The following PNPLA7 variants were observed in gnomAD, a reference collection of about 807,000 sequenced individuals.
The protein encoded by PNPLA7 is patatin-like phospholipase domain-containing protein 7.
In PNPLA7, 153 loss-of-function variants were observed where a neutral mutation model predicts 161.7. The ratio of observed to expected loss-of-function variants is 0.95; its 90% CI spans 0.83 to 1.08. The LOEUF is 1.08. Among genes scored for constraint, PNPLA7 ranks in the 50% least tolerant of loss-of-function variants. The probability of loss-of-function intolerance (pLI) is 0.00; values close to 1 mark genes in which losing one functional copy is unlikely to be tolerated. For missense variants in PNPLA7, 1,739 were observed against 1,856.6 expected (o/e 0.94, Z 1.16); for synonymous variants, 809 against 782.1 (o/e 1.03, Z -0.57).
At chr9:137,466,428 C>T (rs1377626467) in intron 26 of PNPLA7, among the ~76,000 whole-genome samples, 12 of 150,564 alleles carry the variant, frequency 8.0e-5, no homozygotes, top group Admixed American at 5.3e-4. Flanking sequence ...CGGATCAAAC[C>T]GCCTCCCAAC....
At chr9:137,505,845 A>G (rs556067498) in intron 13 of PNPLA7, 85 bp from the exon 14 acceptor site, 10 of 1,561,434 alleles carry the variant, frequency 6.4e-6, no homozygotes, top group Middle Eastern at 3.4e-4. Flanking sequence ...TGAATCGCAC[A>G]GTGCGGAAAG....
At chr9:137,497,860 G>T (rs1241689421) in intron 17 of PNPLA7, among the ~76,000 whole-genome samples, 1 of 152,262 alleles carries the variant, frequency 6.6e-6, no homozygotes, top group East Asian at 1.9e-4. Context: ...GTGTGGACTT[G>T]AATATAATGA....
chr9:137,523,845 G>T lies in PNPLA7; in HGVS notation c.748-988C>A, dbSNP rs1041039139. Among the ~76,000 whole-genome samples the T allele has an allele frequency of 5.9e-5, 9 of 151,918 alleles. No individual in the cohort carries two copies. Among genetic ancestry groups the T allele is most frequent in the Non-Finnish European group, 1.2e-4 (8 of 67,944 alleles). On this transcript the variant is annotated intron_variant, in intron 8 of 34. Coordinates refer to ENST00000406427, the MANE Select transcript of PNPLA7 (RefSeq NM_001098537.3). The surrounding 1 kb of genome is among the most constrained non-coding windows in gnomAD (Gnocchi z 4.4). ...CAGGGTTTCACTGTGTTAGCCAGGA[G>T]GGTCTCGATCTCCTGACCTCGTGAT... is the stretch of plus-strand genomic sequence containing the variant.
At chr9:137,515,745 C>T (rs1355052737) in intron 11 of PNPLA7, among the ~76,000 whole-genome samples, 6 of 145,310 alleles carry the variant, frequency 4.1e-5, no homozygotes, top group African/African-American at 7.7e-5. Context: ...CGCCCAATCC[C>T]GCCTCCCACA....
At position 137,541,395 on chromosome 9, in the gene PNPLA7, A is replaced by C. The variant is rs915685814; in HGVS notation, c.667-673T>G. The C allele has an allele frequency of 1.1e-5, 11 of 984,364 alleles. No individual in the cohort carries two copies. In the South Asian group the frequency reaches 2.4e-4, roughly 21 times the overall value. 61.0% of individuals were successfully genotyped at this position (984,364 alleles called of 1,614,324 possible). Reference sequence around the variant, plus strand: ...TCCCTTCTAATAACCCATCAAGTCCAGCCACAGACAAAGCGACAAACCTGA... The same window carrying C: ...TCCCTTCTAATAACCCATCAAGTCCCGCCACAGACAAAGCGACAAACCTGA... On this transcript the variant is annotated intron_variant, in intron 7 of 34. Transcript: ENST00000406427. The surrounding 1 kb of genome is among the most constrained non-coding windows in gnomAD (Gnocchi z 4.4).
chr9:137,460,165 C>A lies in PNPLA7; in HGVS notation c.*228G>T. On this transcript the variant is annotated 3_prime_UTR_variant, in exon 35 of 35. Transcript: ENST00000406427. ...GGGGTTCACAGAGCTTCAGGGGCCTCACAGAGCTTCAGGGGCCTCACAGGA... is the reference window on the plus strand; with the variant it reads ...GGGGTTCACAGAGCTTCAGGGGCCTAACAGAGCTTCAGGGGCCTCACAGGA... 2.1e-6 allele frequency: 1 copy of A among 473,824 alleles called. No homozygotes were observed. Among genetic ancestry groups the A allele is most frequent in the East Asian group, 3.6e-5 (1 of 27,554 alleles). The allele number at this position is 473,824 out of a possible 1,614,324, so 29.4% of individuals were successfully genotyped here.
In PNPLA7 at chr9:137,462,168, C is replaced by T. The variant is rs1216333695; in HGVS notation, c.3645+11G>A. On this transcript the variant is annotated intron_variant, in intron 31 of 34. Coordinates refer to ENST00000406427, the MANE Select transcript of PNPLA7 (RefSeq NM_001098537.3). ...CGCCCGCCTCCGCCGCCGCGGGTGGCCGGCACTCACGCAGATCTCGTTGAA... is the reference window on the plus strand; with the variant it reads ...CGCCCGCCTCCGCCGCCGCGGGTGGTCGGCACTCACGCAGATCTCGTTGAA... The T allele has an allele frequency of 6.4e-7, 1 of 1,556,294 alleles. No individual in the cohort carries two copies. Among genetic ancestry groups the T allele is most frequent in the Admixed American group, 1.9e-5 (1 of 53,474 alleles).
chr9:137,543,840 C>T lies in PNPLA7; in HGVS notation c.274-25G>A. On this transcript the variant is annotated intron_variant, in intron 4 of 34. Transcript: ENST00000406427. The surrounding 1 kb of genome is among the most constrained non-coding windows in gnomAD (Gnocchi z 6.9). ...CCTGCAGAGCCAAGGGAGAGACCAG[C>T]CACTGACCCTGCAAGCCGCAAGGTC... 2 of 1,593,840 alleles carry T rather than the reference C, an allele frequency of 1.3e-6. No homozygotes were observed.
intron 23 of PNPLA7, chr9:137,479,746 C>T (rs532611668): frequency 5.1e-6 from 5 of 985,394 alleles, no homozygotes; most frequent in South Asian, 4.7e-5. Context: ...CCCGAGGCCT[C>T]GCCTGCAGCA....
At chr9:137,501,078 G>A (rs187640163) in intron 15 of PNPLA7, among the ~76,000 whole-genome samples, 182 bp from the exon 16 acceptor site, 3 of 152,294 alleles carry the variant, frequency 2.0e-5, no homozygotes, top group Admixed American at 6.5e-5. Flanking sequence ...ATGATTTCAC[G>A]AGCAGTCGTG....
chr9:137,485,581 C>T (rs1044644023), intron 20 of PNPLA7, among the ~76,000 whole-genome samples: 8 of 152,376 alleles, frequency 5.3e-5, no homozygotes, highest in Middle Eastern at 3.4e-3. Context: ...ACTCCAGGAA[C>T]AGTAAACAAC....
chr9:137,477,297 T>C lies in PNPLA7; in HGVS notation c.2882+737A>G, dbSNP rs1441399716. Among the ~76,000 whole-genome samples the C allele has an allele frequency of 2.0e-5, 3 of 152,134 alleles. No individual in the cohort carries two copies. The East Asian group carries it at 5.8e-4, about 29-fold the overall frequency. ...TGACGACAAGGCAGGGGAGGAGGTA[T>C]CTGGGTTTAAAGTCCCTGAAGGACT... On this transcript the variant is annotated intron_variant, in intron 25 of 34. Coordinates refer to ENST00000406427, the MANE Select transcript of PNPLA7 (RefSeq NM_001098537.3).
chr9:137,536,404 C>T (rs1316943533), intron 8 of PNPLA7, among the ~76,000 whole-genome samples: 4 of 151,926 alleles, frequency 2.6e-5, no homozygotes, highest in African/African-American at 7.3e-5. Context: ...TCCGACTGGG[C>T]AAGAGGATGG....
intron 21 of PNPLA7, among the ~76,000 whole-genome samples, chr9:137,483,692 A>G (rs1832334284): frequency 6.6e-6 from 1 of 151,808 alleles, no homozygotes; most frequent in South Asian, 2.1e-4. Flanking sequence ...CCTGACCTCA[A>G]GTGATCCACC....
At chr9:137,516,502 A>C (rs1834579293) in intron 11 of PNPLA7, 1 of 985,260 alleles carries the variant, frequency 1.0e-6, no homozygotes. Context: ...TCAGGCAATG[A>C]CACATACTCT....
intron 20 of PNPLA7, chr9:137,491,330 AAAC>A (rs1832752089): frequency 6.8e-6 from 3 of 442,874 alleles, no homozygotes; most frequent in East Asian, 1.6e-4. Context: ...AGAACAGAAA[AAAC>A]AACAAAATGG....
At chr9:137,542,619 C>T (rs780925837) in intron 7 of PNPLA7, 23 bp downstream of exon 7, 19 of 1,559,294 alleles carry the variant, frequency 1.2e-5, no homozygotes, top group East Asian at 4.7e-5. Context: ...CGCCTGACCC[C>T]GCCCCGCCGC....
In PNPLA7 at chr9:137,524,863, G is replaced by A. The variant is rs142442070; in HGVS notation, c.748-2006C>T. 5.9e-5 allele frequency among the ~76,000 whole-genome samples: 9 copies of A among 151,626 alleles called. No individual in the cohort carries two copies. In the East Asian group the frequency reaches 1.7e-3, roughly 29 times the overall value. On this transcript the variant is annotated intron_variant, in intron 8 of 34. Transcript: ENST00000406427. The surrounding 1 kb of genome is among the most constrained non-coding windows in gnomAD (Gnocchi z 4.4). ...AATGAGTTTCCTTGGATGCCCCGTGGAATGAGTTTCCGTGGATGCCTGTCT... is the reference window on the plus strand; with the variant it reads ...AATGAGTTTCCTTGGATGCCCCGTGAAATGAGTTTCCGTGGATGCCTGTCT...
intron 18 of PNPLA7, among the ~76,000 whole-genome samples, chr9:137,495,445 C>A (rs1411362262): frequency 2.0e-5 from 3 of 147,712 alleles, no homozygotes; most frequent in Non-Finnish European, 4.5e-5. Flanking sequence ...GAGAACACCT[C>A]TTTTTTTTTT....
Sources: allele counts gnomAD v4.1 joint callset (sites outside exome capture counted in the v4.1 genomes callset), GRCh38; gene constraint gnomAD v4.1.1; non-coding constraint Gnocchi (gnomAD v3.1); transcripts MANE v1.5; gene names NCBI Gene and HGNC (gene_info 2026-07-23, HGNC 2026-07-21).